The following ADAMTS3 variants were observed in gnomAD, a reference collection of about 807,000 sequenced individuals.
The protein encoded by ADAMTS3 is A disintegrin and metalloproteinase with thrombospondin motifs 3.
ADAMTS3 carries 73 observed loss-of-function variants against 129.0 expected under a neutral mutation model. That is an observed-to-expected ratio of 0.57 (90% confidence interval 0.47 to 0.69). The LOEUF (loss-of-function observed/expected upper bound fraction) is 0.69, where lower values mean the gene tolerates loss of function less well. ADAMTS3 is among the 30% of genes least tolerant of loss of function. The pLI, the probability that ADAMTS3 is intolerant of heterozygous loss-of-function variation, is 0.00. For synonymous variants in ADAMTS3, 477 were observed against 510.8 expected, an observed-to-expected ratio of 0.93 and a Z score of 0.89; for missense variants, 1,457 against 1,514.5, an observed-to-expected ratio of 0.96 and a Z score of 0.63.
intron 4 of ADAMTS3, among the ~76,000 whole-genome samples, chr4:72,385,380 T>C (rs939218008): frequency 6.6e-6 from 1 of 151,944 alleles, no homozygotes; most frequent in African/African-American, 2.4e-5. Flanking sequence ...TGGAATTACA[T>C]AAAATATTCA....
At chr4:72,312,005 G>A (rs543555656) in intron 13 of ADAMTS3, 21 of 330,746 alleles carry the variant, frequency 6.3e-5, no homozygotes, top group East Asian at 1.4e-4. Context: ...GAGGGATTTC[G>A]GTTGAATCAG....
At chr4:72,326,133 T>C (rs3900087) in intron 5 of ADAMTS3, among the ~76,000 whole-genome samples, 2,377 of 152,290 alleles carry the variant, frequency 0.016, 35 homozygotes, top group Middle Eastern at 0.031. Flanking sequence ...TTTAAGAATG[T>C]TCTGAGTCAG....
intron 3 of ADAMTS3, among the ~76,000 whole-genome samples, chr4:72,456,205 TATATATATTTTATATATA>T (rs1718603011): frequency 1.7e-4 from 1 of 5,774 alleles, no homozygotes; most frequent in African/African-American, 3.7e-4. Flanking sequence ...TAGTATGTAC[TATATATATTTTATATATA>T]GTATGTACTA....
At position 72,288,782 on chromosome 4, in the gene ADAMTS3, C is replaced by A. The variant is rs759990453; in HGVS notation, c.3018G>T (p.Ser1006=). The A allele has an allele frequency of 6.2e-7, 1 of 1,613,636 alleles. No individual in the cohort carries two copies. The highest frequency in any genetic ancestry group is 8.5e-7 in the Non-Finnish European group (1 of 1,179,812). Residue 1006 remains serine, a synonymous_variant, in exon 21 of 22, where the codon TCG becomes TCT. Transcript: ENST00000286657. ...GDHCDGEKPE[S]VRACQLPPCN... is the part of the protein sequence containing the mutation. ...AAGGAGGCAGTTGACAGGCTCTGAC[C>A]GACTCAGGCTTTTCACCATCACAGT... is the stretch of plus-strand genomic sequence containing the variant.
intron 5 of ADAMTS3, among the ~76,000 whole-genome samples, chr4:72,324,934 C>T (rs1181670860): frequency 6.6e-6 from 1 of 152,080 alleles, no homozygotes; most frequent in Non-Finnish European, 1.5e-5. Flanking sequence ...CTGGTTCAAC[C>T]CCTCACTGCT....
intron 3 of ADAMTS3, among the ~76,000 whole-genome samples, chr4:72,486,972 T>A (rs1215685010): frequency 6.6e-6 from 1 of 152,146 alleles, no homozygotes; most frequent in Non-Finnish European, 1.5e-5. Context: ...ATGCACATCC[T>A]TATCTGAATT....
In ADAMTS3 at chr4:72,356,555, C is replaced by A. The variant is rs1434563; in HGVS notation, c.662-16862G>T. On this transcript the variant is annotated intron_variant, in intron 4 of 21. Transcript: ENST00000286657. The stretch of plus-strand genomic sequence containing the variant: ...AGTGGAAAAACAAAACAAAACTCAA[C>A]AAGGCTATAAAATAAAATAAATATG... Among the ~76,000 whole-genome samples, 226 of 151,630 alleles carry A rather than the reference C, an allele frequency of 1.5e-3. 3 individuals carry two copies. The East Asian group carries it at 0.037, about 25-fold the overall frequency.
chr4:72,539,420 A>T (rs1197399641), intron 3 of ADAMTS3, among the ~76,000 whole-genome samples: 1 of 148,144 alleles, frequency 6.8e-6, no homozygotes, highest in Non-Finnish European at 1.5e-5. Flanking sequence ...TTCACTAACC[A>T]TTAGGGAAAT....
At chr4:72,535,116 G>C (rs1383902991) in intron 3 of ADAMTS3, among the ~76,000 whole-genome samples, 1 of 152,108 alleles carries the variant, frequency 6.6e-6, no homozygotes, top group Non-Finnish European at 1.5e-5. Context: ...CAGGCAGCCA[G>C]TTAATACCAT....
chr4:72,292,150 C>A (rs114274802), intron 19 of ADAMTS3, among the ~76,000 whole-genome samples: 258 of 152,280 alleles, frequency 1.7e-3, no homozygotes, highest in African/African-American at 6.0e-3. Flanking sequence ...GACACACTTA[C>A]GATTTCTTTA....
intron 3 of ADAMTS3, among the ~76,000 whole-genome samples, chr4:72,416,172 A>AATATAAATATATATATACATATAGGT (rs149079357): frequency 6.8e-6 from 1 of 146,084 alleles, no homozygotes; most frequent in South Asian, 2.1e-4. Flanking sequence ...AGCAAATATA[A>AATATAAATATATATATACATATAGGT]ATATAAATAT....
intron 4 of ADAMTS3, among the ~76,000 whole-genome samples, chr4:72,382,090 G>A (rs964838183): frequency 3.3e-5 from 5 of 152,114 alleles, no homozygotes; most frequent in African/African-American, 4.8e-5. Flanking sequence ...AGCTCTACAA[G>A]GCTATCTGAA....
chr4:72,515,811 CT>C, intron 3 of ADAMTS3, among the ~76,000 whole-genome samples: 1 of 151,702 alleles, frequency 6.6e-6, no homozygotes, highest in South Asian at 2.1e-4. Context: ...ATGGTAGTTT[CT>C]TTTGCTGTGC....
At chr4:72,473,511 A>G (rs553286773) in intron 3 of ADAMTS3, among the ~76,000 whole-genome samples, 1 of 152,132 alleles carries the variant, frequency 6.6e-6, no homozygotes, top group African/African-American at 2.4e-5. Context: ...GAGAATAAAA[A>G]CATTTAGACA....
chr4:72,364,845 T>G (rs1720829287), intron 4 of ADAMTS3, among the ~76,000 whole-genome samples: 1 of 151,922 alleles, frequency 6.6e-6, no homozygotes, highest in African/African-American at 2.4e-5. Context: ...TACCTCAGCC[T>G]CCCAAAGTGC....
At chr4:72,435,284 CTGTT>C (rs1248261401) in intron 3 of ADAMTS3, among the ~76,000 whole-genome samples, 1 of 151,680 alleles carries the variant, frequency 6.6e-6, no homozygotes, top group Non-Finnish European at 1.5e-5. Context: ...TTTTGCTGCT[CTGTT>C]TGACCACAAA....
At position 72,544,280 on chromosome 4, in the gene ADAMTS3, T is replaced by A. The variant is rs543520425; in HGVS notation, c.504+4198A>T. ...CCAAATTGATTTTTCAACCCCTTTT[T>A]TTCTTTGCAATTTTATTGTTATAGA... On this transcript the variant is annotated intron_variant, in intron 3 of 21. Coordinates refer to ENST00000286657, the MANE Select transcript of ADAMTS3 (RefSeq NM_014243.3). 3.3e-5 allele frequency among the ~76,000 whole-genome samples: 5 copies of A among 152,308 alleles called. No individual in the cohort carries two copies. In the East Asian group the frequency reaches 9.6e-4, roughly 29 times the overall value.
At chr4:72,458,993 G>C (rs1718695280) in intron 3 of ADAMTS3, among the ~76,000 whole-genome samples, 1 of 151,560 alleles carries the variant, frequency 6.6e-6, no homozygotes, top group Admixed American at 6.6e-5. Context: ...AAATATTAAT[G>C]AAAATGCTAA....
intron 3 of ADAMTS3, among the ~76,000 whole-genome samples, chr4:72,465,151 G>A (rs1718885578): frequency 6.6e-6 from 1 of 152,004 alleles, no homozygotes; most frequent in Non-Finnish European, 1.5e-5. Flanking sequence ...GAAGATCTGA[G>A]ATGGAGGGGC....
Sources: gnomAD v4.1 joint callset for allele counts (sites outside exome capture counted in the v4.1 genomes callset) on GRCh38, gnomAD v4.1.1 for gene constraint, MANE v1.5 for transcripts, NCBI Gene and HGNC (gene_info 2026-07-23, HGNC 2026-07-21) for gene names.